CDC20B: variants seen among roughly 807,000 people sequenced by gnomAD.
The protein encoded by CDC20B is cell division cycle protein 20 homolog B.
In CDC20B, 58 loss-of-function variants were observed where a neutral mutation model predicts 64.1. The observed-to-expected ratio is 0.90, with a 90% confidence interval of 0.73 to 1.13. The LOEUF is 1.13. CDC20B is among the 50% of genes most tolerant of loss of function. The pLI is 0.00. For synonymous variants in CDC20B, 243 were observed against 230.6 expected, an observed-to-expected ratio of 1.05 and a Z score of -0.49; for missense variants, 597 against 633.0, an observed-to-expected ratio of 0.94 and a Z score of 0.61.
chr5:55,119,784 C>G lies in CDC20B; in HGVS notation c.1459+17G>C, dbSNP rs751782825. On this transcript the variant is annotated intron_variant, in intron 11 of 11. Transcript: ENST00000381375. ...TTTGCTATAGGTGCATGGCATTTTA[C>G]TCACCCATTTGCTTACCAAAAAACC... The G allele has an allele frequency of 6.8e-7, 1 of 1,474,832 alleles. No homozygotes were observed. The highest frequency in any genetic ancestry group is 2.3e-5 in the East Asian group (1 of 44,170). The allele number at this position is 1,474,832 out of a possible 1,614,324, so 91.4% of individuals were successfully genotyped here.
At chr5:55,154,217 A>G (rs1414186408) in intron 2 of CDC20B, among the ~76,000 whole-genome samples, 1 of 152,138 alleles carries the variant, frequency 6.6e-6, no homozygotes, top group African/African-American at 2.4e-5. Flanking sequence ...TTAGTCTAGG[A>G]GAAAGAAGAT....
chr5:55,171,304 C>T lies in CDC20B; in HGVS notation c.126+1284G>A, dbSNP rs186565461. The stretch of plus-strand genomic sequence containing the variant: ...CTCCAACCTGGGCAACAAAGTGAGA[C>T]TCTGTCTCAAAAAAATAAATAAAAA... On this transcript the variant is annotated intron_variant, in intron 2 of 11. Coordinates refer to ENST00000381375, the MANE Select transcript of CDC20B (RefSeq NM_001170402.1). Among the ~76,000 whole-genome samples, 60 of 152,246 alleles carry T rather than the reference C, an allele frequency of 3.9e-4. 2 individuals carry two copies. The East Asian group carries it at 9.5e-3, about 24-fold the overall frequency.
chr5:55,159,808 C>T (rs1011264010), intron 2 of CDC20B, among the ~76,000 whole-genome samples: 2 of 152,158 alleles, frequency 1.3e-5, no homozygotes, highest in African/African-American at 2.4e-5. Context: ...GAGCATCGTA[C>T]TCCATCCTCT....
At chr5:55,161,396 T>G (rs552371214) in intron 2 of CDC20B, 2 of 809,244 alleles carry the variant, frequency 2.5e-6, no homozygotes, top group South Asian at 1.8e-5. Flanking sequence ...CAGAATCTCA[T>G]CCTTTGTAAC....
intron 2 of CDC20B, chr5:55,160,742 A>C (rs1744001284): frequency 6.3e-6 from 3 of 479,850 alleles, no homozygotes; most frequent in South Asian, 7.3e-5. Flanking sequence ...CAAGGATCAT[A>C]GTTTTATCTT....
chr5:55,153,471 C>T (rs1443457986), intron 2 of CDC20B, among the ~76,000 whole-genome samples: 1 of 152,064 alleles, frequency 6.6e-6, no homozygotes, highest in African/African-American at 2.4e-5. Flanking sequence ...AAGAAAAATA[C>T]ATGCCCCCTG....
At chr5:55,153,585 G>A (rs530728430) in intron 2 of CDC20B, among the ~76,000 whole-genome samples, 39 of 144,982 alleles carry the variant, frequency 2.7e-4, no homozygotes, top group South Asian at 9.1e-4. Flanking sequence ...GCAGATCCAC[G>A]TTAGCCTGAA....
intron 2 of CDC20B, chr5:55,161,135 C>A: frequency 6.2e-7 from 1 of 1,614,150 alleles, no homozygotes; most frequent in Non-Finnish European, 8.5e-7. Flanking sequence ...AGAATCGGAG[C>A]CCCGCCCAAG....
chr5:55,128,364 A>G (rs1742945367), intron 7 of CDC20B, 57 bp downstream of exon 7: 1 of 1,375,194 alleles, frequency 7.3e-7, no homozygotes, highest in South Asian at 1.4e-5. Context: ...TTAAAAGTCA[A>G]TTATAGTGTA....
intron 2 of CDC20B, among the ~76,000 whole-genome samples, chr5:55,169,717 T>A (rs564885440): frequency 7.2e-5 from 11 of 152,228 alleles, no homozygotes; most frequent in Non-Finnish European, 1.6e-4. Context: ...TGAAAAATGT[T>A]TTAGTTGACT....
At chr5:55,139,057 T>G (rs1387561456) in intron 5 of CDC20B, among the ~76,000 whole-genome samples, 1 of 94,276 alleles carries the variant, frequency 1.1e-5, no homozygotes, top group African/African-American at 3.6e-5. Context: ...TTACAATGAG[T>G]TTTTTTTTTT....
chr5:55,152,586 T>C (rs944189409), intron 2 of CDC20B, among the ~76,000 whole-genome samples: 1 of 152,142 alleles, frequency 6.6e-6, no homozygotes, highest in Admixed American at 6.5e-5. Flanking sequence ...GTATAGATCA[T>C]TGTCTCTATG....
intron 2 of CDC20B, chr5:55,164,283 C>A: frequency 7.7e-7 from 1 of 1,292,172 alleles, no homozygotes; most frequent in Non-Finnish European, 1.0e-6. Context: ...TCATTTTAAA[C>A]ATTTTTTTTT....
chr5:55,170,113 C>CA (rs562531866), intron 2 of CDC20B, among the ~76,000 whole-genome samples: 3,967 of 135,218 alleles, frequency 0.029, 192 homozygotes, highest in African/African-American at 0.099. Flanking sequence ...GACTCCGTCT[C>CA]AAAAAAAAAA....
intron 2 of CDC20B, among the ~76,000 whole-genome samples, chr5:55,156,700 C>T (rs1374310804): frequency 6.6e-6 from 1 of 151,968 alleles, no homozygotes; most frequent in African/African-American, 2.4e-5. Flanking sequence ...ATGGTGAAAC[C>T]CCATCACTAC....
intron 3 of CDC20B, among the ~76,000 whole-genome samples, chr5:55,144,184 C>T (rs980345140): frequency 6.6e-6 from 1 of 152,058 alleles, no homozygotes; most frequent in Admixed American, 6.6e-5. Context: ...CACTTTGCCT[C>T]TCTCCCCCTT....
At chr5:55,129,247 C>A (rs372295677) in intron 6 of CDC20B, among the ~76,000 whole-genome samples, 8 of 152,072 alleles carry the variant, frequency 5.3e-5, no homozygotes, top group East Asian at 3.9e-4. Flanking sequence ...GTAGTTTAAA[C>A]CCCTACAATA....
chr5:55,135,256 G>A lies in CDC20B; in HGVS notation c.581-1728C>T, dbSNP rs1022189922. Among the ~76,000 whole-genome samples the A allele has an allele frequency of 1.9e-4, 29 of 152,162 alleles. 1 individual carries two copies. Among genetic ancestry groups the A allele is most frequent in the African/African-American group, 6.8e-4 (28 of 41,474 alleles). On this transcript the variant is annotated intron_variant, in intron 5 of 11. Transcript: ENST00000381375. Reference sequence around the variant, plus strand: ...GTCTATATATATATATATACAGAGAGAGAAAGAGAGAGGGAGAGAGAGAGA... The same window carrying A: ...GTCTATATATATATATATACAGAGAAAGAAAGAGAGAGGGAGAGAGAGAGA...
At chr5:55,164,635 A>G (rs1744285156) in intron 2 of CDC20B, 1 of 152,490 alleles carries the variant, frequency 6.6e-6, no homozygotes, top group Admixed American at 6.5e-5. Flanking sequence ...ACACTAGACC[A>G]CTCTTTGGAT....
Sources: allele counts gnomAD v4.1 joint callset (sites outside exome capture counted in the v4.1 genomes callset), GRCh38; gene constraint gnomAD v4.1.1; transcripts MANE v1.5; gene names NCBI Gene and HGNC (gene_info 2026-07-23, HGNC 2026-07-21).